The following CHAF1B variants were observed in gnomAD, a reference collection of about 807,000 sequenced individuals.
The protein encoded by CHAF1B is chromatin assembly factor 1 subunit B.
Under a neutral mutation model 60.7 loss-of-function variants are expected in CHAF1B, and 10 were observed. That is an observed-to-expected ratio of 0.16 (90% CI 0.10 to 0.28). CHAF1B has a LOEUF of 0.28. CHAF1B is among the 10% of genes least tolerant of loss of function. CHAF1B has a pLI of 1.00. For synonymous variants in CHAF1B, 261 were observed against 266.1 expected, an observed-to-expected ratio of 0.98 and a Z score of 0.19; for missense variants, 558 against 708.4, an observed-to-expected ratio of 0.79 and a Z score of 2.41.
rs180771600 is a variant in CHAF1B at position 36,396,598 on chromosome 21, G to T, written c.482-817G>T. 7.2e-4 allele frequency among the ~76,000 whole-genome samples: 109 copies of T among 150,906 alleles called. 1 individual carries two copies. The highest frequency in any genetic ancestry group is 2.5e-3 in the African/African-American group (104 of 41,010). The stretch of plus-strand genomic sequence containing the variant: ...GAGCCTGGGAAGTTGAGGCTGCAGT[G>T]AGCTCTGACGGCGCCACTGCACTCC... On this transcript the variant is annotated intron_variant, in intron 5 of 13. Transcript: ENST00000314103.
rs1381245113 is a variant in CHAF1B at position 36,385,434 on chromosome 21, C to T, written c.-95C>T. Reference sequence around the variant, plus strand: ...GCGCGGGAGGTGACGGTGCCTCTGACTGTCCGGGTCCCTCCAGGTACGGCT... The same window carrying T: ...GCGCGGGAGGTGACGGTGCCTCTGATTGTCCGGGTCCCTCCAGGTACGGCT... On this transcript the variant is annotated 5_prime_UTR_variant, in exon 1 of 14. Coordinates refer to ENST00000314103, the MANE Select transcript of CHAF1B (RefSeq NM_005441.3). The T allele has an allele frequency of 9.9e-5, 15 of 152,076 alleles. No homozygotes were observed. The East Asian group carries it at 1.2e-3, about 12-fold the overall frequency. 9.4% of individuals were successfully genotyped at this position (152,076 alleles called of 1,614,324 possible).
chr21:36,387,675 C>T lies in CHAF1B; in HGVS notation c.204C>T (p.Ala68=), dbSNP rs755690502. ...FLSNLARHTK[A]VNVVRFSPTG... ...CCAATCTTGCTCGTCATACCAAAGC[C>T]GTCAATGTTGTGCGTTTTTCTCCAA... Residue 68 remains alanine, a synonymous_variant, in exon 3 of 14, where the codon GCC becomes GCT. Coordinates refer to ENST00000314103, the MANE Select transcript of CHAF1B (RefSeq NM_005441.3). 12 of 1,614,054 alleles carry T rather than the reference C, an allele frequency of 7.4e-6. No homozygotes were observed. Among genetic ancestry groups the T allele is most frequent in the South Asian group, 3.3e-5 (3 of 91,090 alleles).
chr21:36,415,264 C>T (rs1170068435), intron 12 of CHAF1B, 31 bp from the exon 13 acceptor site: 8 of 1,315,596 alleles, frequency 6.1e-6, no homozygotes, highest in African/African-American at 1.5e-5. Context: ...AATGAGCCAT[C>T]ACCCCTCTAC....
At chr21:36,407,925 C>T (rs1189856513) in intron 8 of CHAF1B, among the ~76,000 whole-genome samples, 1 of 151,726 alleles carries the variant, frequency 6.6e-6, no homozygotes, top group African/African-American at 2.4e-5. Flanking sequence ...TTGCAGTGAG[C>T]CAAGATCACG....
chr21:36,392,697 G>A (rs1331063100), intron 4 of CHAF1B, among the ~76,000 whole-genome samples: 4 of 151,656 alleles, frequency 2.6e-5, no homozygotes, highest in South Asian at 4.2e-4. Flanking sequence ...CAGACGGGGC[G>A]GCCGGGCAGA....
intron 5 of CHAF1B, among the ~76,000 whole-genome samples, chr21:36,397,162 C>T (rs1048541065): frequency 2.0e-5 from 3 of 152,182 alleles, no homozygotes; most frequent in Non-Finnish European, 4.4e-5. Context: ...TCCCCTCCCC[C>T]GGTCCACATG....
rs532130064 is a variant in CHAF1B, at chr21:36,408,910, A to C, written c.827+80A>C. ...GCTCTTGTTGCCCAGGCTGGAGTGC[A>C]ATGGTGCGATCTCTGCTCACTGCAA... is the stretch of plus-strand genomic sequence containing the variant. On this transcript the variant is annotated intron_variant, in intron 9 of 13. Transcript: ENST00000314103. 2.9e-5 allele frequency: 29 copies of C among 985,934 alleles called. No individual in the cohort carries two copies. The South Asian group carries it at 3.5e-4, about 12-fold the overall frequency. The allele number at this position is 985,934 out of a possible 1,614,324, so 61.1% of individuals were successfully genotyped here.
intron 12 of CHAF1B, 112 bp from the exon 13 acceptor site, chr21:36,415,183 G>T: frequency 6.0e-6 from 4 of 665,592 alleles, no homozygotes; most frequent in South Asian, 3.8e-5. Context: ...CAGAAGTTCA[G>T]CTGAAAATTT....
At chr21:36,397,332 T>C in intron 5 of CHAF1B, 83 bp from the exon 6 acceptor site, 1 of 577,274 alleles carries the variant, frequency 1.7e-6, no homozygotes, top group Non-Finnish European at 3.0e-6. Context: ...GGGAATAATA[T>C]TTAAGTCATA....
intron 1 of CHAF1B, among the ~76,000 whole-genome samples, chr21:36,385,658 C>T (rs2086024789): frequency 6.6e-6 from 1 of 151,920 alleles, no homozygotes; most frequent in African/African-American, 2.4e-5. Flanking sequence ...CGCCCGGTCC[C>T]TGGGAAAGGC....
intron 3 of CHAF1B, among the ~76,000 whole-genome samples, chr21:36,390,460 G>A (rs1035210702): frequency 2.6e-5 from 4 of 152,124 alleles, no homozygotes; most frequent in Non-Finnish European, 5.9e-5. Flanking sequence ...AGAAGGTTAC[G>A]TGGTAATCGT....
At position 36,394,536 on chromosome 21, in the gene CHAF1B, T is replaced by C. The variant is rs764652184; in HGVS notation, c.378-11T>C. The C allele has an allele frequency of 1.9e-5, 30 of 1,599,544 alleles. No homozygotes were observed. The highest frequency in any genetic ancestry group is 1.3e-4 in the Admixed American group (8 of 59,410). Reference sequence around the variant, plus strand: ...GTAATTGCTTTTTTCCTCTTTGTTTTTGGATTCTAGGGGCCACTTAGAAGA... The same window carrying C: ...GTAATTGCTTTTTTCCTCTTTGTTTCTGGATTCTAGGGGCCACTTAGAAGA... On this transcript the variant is annotated splice_polypyrimidine_tract_variant and intron_variant, in intron 4 of 13. Transcript: ENST00000314103.
In CHAF1B at chr21:36,394,565, G is replaced by A. The variant is rs2086121957; in HGVS notation, c.396G>A (p.Val132=). 6.2e-7 allele frequency: 1 copy of A among 1,613,284 alleles called. No individual in the cohort carries two copies. Among genetic ancestry groups the A allele is most frequent in the African/African-American group, 1.3e-5 (1 of 74,936 alleles). Residue 132 remains valine, a synonymous_variant, in exon 5 of 14, where the codon GTG becomes GTA. Transcript: ENST00000314103. ...ATTCTAGGGGCCACTTAGAAGATGT[G>A]TATGATATTTGCTGGGCAACTGATG... ...VKTLRGHLED[V]YDICWATDGN... is the part of the protein sequence containing the mutation.
intron 6 of CHAF1B, among the ~76,000 whole-genome samples, chr21:36,398,885 G>T (rs1438170251): frequency 6.6e-6 from 1 of 152,144 alleles, no homozygotes; most frequent in African/African-American, 2.4e-5. Flanking sequence ...GATGGCCTTG[G>T]AATAAAAGTG....
intron 5 of CHAF1B, among the ~76,000 whole-genome samples, chr21:36,396,651 C>T (rs550553988): frequency 7.0e-6 from 1 of 143,166 alleles, no homozygotes; most frequent in African/African-American, 2.7e-5. Context: ...CACACCCTGT[C>T]TCAAAAAAAA....
intron 9 of CHAF1B, 48 bp from the exon 10 acceptor site, chr21:36,409,326 T>C: frequency 6.7e-7 from 1 of 1,486,356 alleles, no homozygotes; most frequent in East Asian, 2.3e-5. Flanking sequence ...TATTTTTGCT[T>C]TTGCTTAGTC....
intron 11 of CHAF1B, 113 bp downstream of exon 11, chr21:36,411,717 T>A: frequency 8.1e-7 from 1 of 1,236,590 alleles, no homozygotes; most frequent in Non-Finnish European, 1.1e-6. Flanking sequence ...GGGGACATAT[T>A]CACCAATTTT....
chr21:36,406,366 A>C (rs2086237986), intron 8 of CHAF1B, among the ~76,000 whole-genome samples: 1 of 152,016 alleles, frequency 6.6e-6, no homozygotes, highest in Non-Finnish European at 1.5e-5. Flanking sequence ...GCTCACTGCA[A>C]CCTCCATCTC....
intron 8 of CHAF1B, among the ~76,000 whole-genome samples, chr21:36,407,769 G>A (rs1453578686): frequency 6.6e-6 from 1 of 152,144 alleles, no homozygotes; most frequent in Non-Finnish European, 1.5e-5. Context: ...CTTGAGGTCA[G>A]GAGTTCGAGA....
Sources: gnomAD v4.1 joint callset for allele counts (sites outside exome capture counted in the v4.1 genomes callset) on GRCh38, gnomAD v4.1.1 for gene constraint, MANE v1.5 for transcripts, NCBI Gene and HGNC (gene_info 2026-07-23, HGNC 2026-07-21) for gene names.